The following AK3 variants were observed in gnomAD, a reference collection of about 807,000 sequenced individuals.
The protein encoded by AK3 is adenylate kinase 3, also known as GTP:AMP phosphotransferase AK3, mitochondrial.
In AK3, 27 loss-of-function variants were observed where a neutral mutation model predicts 23.7. The observed-to-expected ratio is 1.14, with a 90% confidence interval of 0.84 to 1.57. The LOEUF is 1.57. Ranked by LOEUF, AK3 falls within the 40% of genes most tolerant of loss-of-function variation. AK3 has a pLI of 0.00. For missense variants in AK3, 406 were observed against 285.6 expected (o/e 1.42, Z -3.04); for synonymous variants, 159 against 116.0 (o/e 1.37, Z -2.38).
intron 1 of AK3, among the ~76,000 whole-genome samples, chr9:4,737,102 T>C (rs1275071592): frequency 6.6e-6 from 1 of 152,080 alleles, no homozygotes; most frequent in African/African-American, 2.4e-5. Flanking sequence ...TTTTACTATA[T>C]AGTTCTTTAC....
At position 4,736,915 on chromosome 9, in the gene AK3, T is replaced by C. The variant is rs188421887; in HGVS notation, c.151+4022A>G. 5.8e-3 allele frequency among the ~76,000 whole-genome samples: 886 copies of C among 152,252 alleles called. 12 individuals are homozygous for C. Among genetic ancestry groups the C allele is most frequent in the African/African-American group, 0.02 (844 of 41,520 alleles). On this transcript the variant is annotated intron_variant, in intron 1 of 4. Transcript: ENST00000381809. ...CTAGTCTCAATCTCCTGGGCTCAAA[T>C]GACCCTCCAGCCTTGGCCTCCCAAA...
chr9:4,740,461 AG>A (rs1164379519), intron 1 of AK3, among the ~76,000 whole-genome samples: 2 of 152,236 alleles, frequency 1.3e-5, no homozygotes, highest in Admixed American at 1.3e-4. Context: ...GGGAAAGGTC[AG>A]AACTACAAGA....
intron 4 of AK3, among the ~76,000 whole-genome samples, chr9:4,714,157 T>C (rs1398373892): frequency 7.1e-6 from 1 of 141,508 alleles, no homozygotes; most frequent in South Asian, 2.1e-4. Context: ...CACCTCCACA[T>C]ACACACACCT....
intron 1 of AK3, among the ~76,000 whole-genome samples, chr9:4,736,180 C>T (rs2130913299): frequency 6.6e-6 from 1 of 151,036 alleles, no homozygotes; most frequent in Non-Finnish European, 1.5e-5. Flanking sequence ...ATATTAAAGT[C>T]CACTGAGTTT....
intron 1 of AK3, among the ~76,000 whole-genome samples, chr9:4,734,857 T>C (rs1276909516): frequency 6.6e-6 from 1 of 152,178 alleles, no homozygotes; most frequent in Non-Finnish European, 1.5e-5. Context: ...ATAGTGTGGA[T>C]GAGCCTTGAA....
chr9:4,740,798 C>T (rs1192530637), intron 1 of AK3, 139 bp downstream of exon 1: 6 of 1,137,724 alleles, frequency 5.3e-6, no homozygotes, highest in Non-Finnish European at 3.5e-6. Context: ...CGCTCAGCAG[C>T]CCGAGGTCTC....
At chr9:4,727,756 C>A (rs1214833398) in intron 1 of AK3, among the ~76,000 whole-genome samples, 1 of 152,174 alleles carries the variant, frequency 6.6e-6, no homozygotes, top group Non-Finnish European at 1.5e-5. Context: ...CTGGTTTCAG[C>A]CTGTCTTGGT....
At position 4,718,510 on chromosome 9, in the gene AK3, G is replaced by C. The variant is rs1222305340; in HGVS notation, c.472C>G (p.Leu158Val). Residue 158 changes from leucine to valine, a missense_variant, in exon 4 of 5, where the codon CTC becomes GTC. By Grantham distance (32) the Leu-to-Val change is conservative (BLOSUM62 1). Coordinates refer to ENST00000381809, the MANE Select transcript of AK3 (RefSeq NM_016282.4). ...VGIDDLTGEP[L>V]IQREDDKPET... ...GGTTTATCATCCTCACGCTGAATGAGAGGCTCCCCAGTCAGGTCATCAATG... is the reference window on the plus strand; with the variant it reads ...GGTTTATCATCCTCACGCTGAATGACAGGCTCCCCAGTCAGGTCATCAATG... The C allele has an allele frequency of 6.2e-7, 1 of 1,613,802 alleles. No homozygotes were observed. Among genetic ancestry groups the C allele is most frequent in the Admixed American group, 1.7e-5 (1 of 60,010 alleles).
chr9:4,722,248 T>A (rs1211135970), intron 2 of AK3, among the ~76,000 whole-genome samples: 1 of 152,122 alleles, frequency 6.6e-6, no homozygotes, highest in Admixed American at 6.6e-5. Flanking sequence ...TCCTCCCATA[T>A]CACAAAATAT....
rs1400957292 is a variant in AK3 at position 4,741,195 on chromosome 9, C to T, written c.-108G>A. 6 of 1,207,636 alleles carry T rather than the reference C, an allele frequency of 5.0e-6. No homozygotes were observed. The highest frequency in any genetic ancestry group is 6.4e-5 in the East Asian group (2 of 31,298). The allele number at this position is 1,207,636 out of a possible 1,614,324, so 74.8% of individuals were successfully genotyped here. A position where few individuals can be genotyped will look rare whatever the true frequency, so the allele number is the denominator to read the frequency against. On this transcript the variant is annotated 5_prime_UTR_variant, in exon 1 of 5. Transcript: ENST00000381809. ...GCCGGCTAGCAGCGCCACTAGCAGG[C>T]GGCTACTGCGGTTCCCCGGCGTTCC...
upstream of AK3, chr9:4,741,377 G>A (rs757849551): frequency 6.6e-6 from 2 of 302,494 alleles, no homozygotes; most frequent in Non-Finnish European, 6.0e-6. Flanking sequence ...CTCTGCGCTC[G>A]CTCGGCCGCC....
chr9:4,714,076 A>T (rs12686844), intron 4 of AK3, among the ~76,000 whole-genome samples: 1 of 142,744 alleles, frequency 7.0e-6, no homozygotes, highest in African/African-American at 2.7e-5. Flanking sequence ...ACACCTACAC[A>T]TATACACACC....
chr9:4,729,938 T>C (rs1021713233), intron 1 of AK3, among the ~76,000 whole-genome samples: 1 of 151,944 alleles, frequency 6.6e-6, no homozygotes, highest in Non-Finnish European at 1.5e-5. Context: ...CAAATGTCCA[T>C]CAACTGATGA....
At position 4,722,553 on chromosome 9, in the gene AK3, GC is replaced by G. The variant is rs763982122; in HGVS notation, c.223del (p.Ala75ProfsTer5). ...GGTGAGATTTTTCAGCTCATGAAGG[GC>G]CAGCCGAGTCATGACATCATCTGGG... ...LIPDDVMTRL[A>X]LHELKNLTQY... On this transcript the variant is annotated frameshift_variant, in exon 2 of 5. Transcript: ENST00000381809. LOFTEE classifies it high-confidence loss of function. 1.2e-6 allele frequency: 2 copies of G among 1,614,170 alleles called. No individual in the cohort carries two copies. Among genetic ancestry groups the G allele is most frequent in the Non-Finnish European group, 1.7e-6 (2 of 1,180,024 alleles).
At chr9:4,736,494 C>T (rs1030852450) in intron 1 of AK3, among the ~76,000 whole-genome samples, 6 of 150,866 alleles carry the variant, frequency 4.0e-5, no homozygotes, top group South Asian at 2.1e-4. Flanking sequence ...AAAACAACTC[C>T]GCTTTGCCAT....
intron 3 of AK3, among the ~76,000 whole-genome samples, chr9:4,718,867 ATCTCTATCAGCGCAACTCCTAACACAC>A (rs1841811075): frequency 6.6e-6 from 1 of 152,164 alleles, no homozygotes; most frequent in Non-Finnish European, 1.5e-5. Context: ...GGTGTTATGA[ATCTCTATCAGCGCAACTCCTAACACAC>A]TCCTTGGCAG....
At chr9:4,732,918 T>C (rs1429664721) in intron 1 of AK3, among the ~76,000 whole-genome samples, 1 of 150,992 alleles carries the variant, frequency 6.6e-6, no homozygotes, top group East Asian at 1.9e-4. Context: ...TGATTATAAC[T>C]CACTGCAGTC....
chr9:4,731,672 C>G (rs918117279), intron 1 of AK3, among the ~76,000 whole-genome samples: 1 of 151,920 alleles, frequency 6.6e-6, no homozygotes, highest in Non-Finnish European at 1.5e-5. Context: ...TATGCAAAGA[C>G]TCTTAACCAG....
rs147899259 is a variant in AK3 at position 4,733,053 on chromosome 9, T to G, written c.151+7884A>C. 8.4e-3 allele frequency among the ~76,000 whole-genome samples: 1,271 copies of G among 152,090 alleles called. 17 individuals are homozygous for G. The highest frequency in any genetic ancestry group is 0.037 in the Middle Eastern group (11 of 294). Reference sequence around the variant, plus strand: ...TGTAGAGATAGGGGTCTCACTATGTTGCCCAGGCTGGTCTCAAACTCCTGG... The same window carrying G: ...TGTAGAGATAGGGGTCTCACTATGTGGCCCAGGCTGGTCTCAAACTCCTGG... On this transcript the variant is annotated intron_variant, in intron 1 of 4. Transcript: ENST00000381809.
Sources: allele counts gnomAD v4.1 joint callset (sites outside exome capture counted in the v4.1 genomes callset), GRCh38; gene constraint gnomAD v4.1.1; transcripts MANE v1.5; gene names NCBI Gene and HGNC (gene_info 2026-07-23, HGNC 2026-07-21).